NRXN1: variants seen among roughly 807,000 people sequenced by gnomAD.
NRXN1 encodes neurexin 1.
In NRXN1, 39 loss-of-function variants were observed where a neutral mutation model predicts 150.9. The observed-to-expected ratio is 0.26, with a 90% CI of 0.20 to 0.34. The LOEUF (loss-of-function observed/expected upper bound fraction) is 0.34, where lower values mean the gene tolerates loss of function less well. Among genes scored for constraint, NRXN1 ranks in the 10% least tolerant of loss-of-function variants. NRXN1 has a pLI of 1.00. For synonymous variants in NRXN1, 924 were observed against 757.0 expected, an observed-to-expected ratio of 1.22 and a Z score of -3.62; for missense variants, 1,815 against 1,949.9, an observed-to-expected ratio of 0.93 and a Z score of 1.30.
intron 21 of NRXN1, among the ~76,000 whole-genome samples, chr2:50,014,855 G>A (rs1686307484): frequency 1.3e-5 from 2 of 152,060 alleles, no homozygotes; most frequent in Admixed American, 6.6e-5. Context: ...ATAGCCCAGT[G>A]TAGTAAGTCT....
At chr2:50,067,716 T>A (rs1440759608) in intron 19 of NRXN1, among the ~76,000 whole-genome samples, 1 of 152,162 alleles carries the variant, frequency 6.6e-6, no homozygotes, top group African/African-American at 2.4e-5. Flanking sequence ...CACTAAATAC[T>A]GAGAATAAGA....
In NRXN1 at chr2:49,948,408, G is replaced by A. The variant is rs375738428; in HGVS notation, c.4129-4617C>T. 3.9e-5 allele frequency among the ~76,000 whole-genome samples: 6 copies of A among 151,952 alleles called. No individual in the cohort carries two copies. In the South Asian group the frequency reaches 1.0e-3, roughly 26 times the overall value. On this transcript the variant is annotated intron_variant, in intron 21 of 22. Transcript: ENST00000401669. ...AGTAGAAAAAAATAACTACAAATGCGACCCTTTTGTAAAACTATATTTTAC... is the reference window on the plus strand; with the variant it reads ...AGTAGAAAAAAATAACTACAAATGCAACCCTTTTGTAAAACTATATTTTAC...
chr2:50,239,630 G>A (rs1574673226), intron 17 of NRXN1, among the ~76,000 whole-genome samples: 1 of 113,798 alleles, frequency 8.8e-6, no homozygotes, highest in South Asian at 3.0e-4. Flanking sequence ...TGGCAGAGTT[G>A]GTATAAAACC....
intron 17 of NRXN1, among the ~76,000 whole-genome samples, chr2:50,320,312 A>ATATATATATGTG (rs2075937518): frequency 4.0e-5 from 5 of 125,354 alleles, no homozygotes; most frequent in African/African-American, 1.6e-4. Context: ...ATATATATAT[A>ATATATATATGTG]TATATATATA....
intron 18 of NRXN1, among the ~76,000 whole-genome samples, chr2:50,203,209 C>G (rs962563697): frequency 6.6e-6 from 1 of 152,060 alleles, no homozygotes; most frequent in Non-Finnish European, 1.5e-5. Context: ...ATCTTTTTAG[C>G]CTGAAGTCAA....
At chr2:50,124,147 A>C (rs1008790221) in intron 18 of NRXN1, among the ~76,000 whole-genome samples, 1 of 152,164 alleles carries the variant, frequency 6.6e-6, no homozygotes, top group African/African-American at 2.4e-5. Context: ...ATAGCTCTAG[A>C]AGTCAAGTGA....
At chr2:50,770,762 G>C (rs1443371005) in intron 5 of NRXN1, among the ~76,000 whole-genome samples, 1 of 151,920 alleles carries the variant, frequency 6.6e-6, no homozygotes, top group East Asian at 1.9e-4. Context: ...CAACATTCCA[G>C]GGCCACAGGG....
rs111905934 is a variant in NRXN1, at chr2:50,066,035, A to C, written c.3719-10991T>G. Among the ~76,000 whole-genome samples the C allele has an allele frequency of 3.2e-3, 489 of 152,274 alleles. 2 individuals are homozygous for C. Among genetic ancestry groups the C allele is most frequent in the African/African-American group, 8.9e-3 (369 of 41,566 alleles). ...CAGTGCTTTCATGCCACCTGTCAAC[A>C]ACTCAAGGCGTATATTTACAACTGC... On this transcript the variant is annotated intron_variant, in intron 19 of 22. Transcript: ENST00000401669.
intron 18 of NRXN1, among the ~76,000 whole-genome samples, chr2:50,201,082 A>G (rs1178407384): frequency 6.6e-6 from 1 of 152,120 alleles, no homozygotes; most frequent in Non-Finnish European, 1.5e-5. Flanking sequence ...ATTGTTTTCA[A>G]GATGTATTGT....
chr2:50,585,989 T>C (rs556222279), intron 8 of NRXN1, among the ~76,000 whole-genome samples: 3 of 152,306 alleles, frequency 2.0e-5, no homozygotes, highest in Non-Finnish European at 2.9e-5. Context: ...CAGATTTTCT[T>C]TCTTCTGGAG....
intron 17 of NRXN1, among the ~76,000 whole-genome samples, chr2:50,242,780 C>A (rs2152887947): frequency 6.6e-6 from 1 of 151,714 alleles, no homozygotes; most frequent in Non-Finnish European, 1.5e-5. Flanking sequence ...GAGGGGCAGA[C>A]AACAGAATTG....
intron 21 of NRXN1, among the ~76,000 whole-genome samples, chr2:50,007,129 G>A (rs1331615248): frequency 6.6e-6 from 1 of 152,046 alleles, no homozygotes; most frequent in African/African-American, 2.4e-5. Flanking sequence ...AATCACTTGA[G>A]GCCAGGAGTT....
At chr2:50,238,555 G>A (rs1041862601) in intron 17 of NRXN1, among the ~76,000 whole-genome samples, 2 of 152,054 alleles carry the variant, frequency 1.3e-5, no homozygotes, top group Non-Finnish European at 2.9e-5. Flanking sequence ...ACATTTATGT[G>A]TAAAAGTTGT....
chr2:50,449,774 T>C (rs976249999), intron 17 of NRXN1, among the ~76,000 whole-genome samples: 5 of 152,194 alleles, frequency 3.3e-5, no homozygotes, highest in African/African-American at 1.2e-4. Flanking sequence ...TATGAGCTCC[T>C]TGAAAGCAAA....
chr2:50,315,711 T>C (rs2075547727), intron 17 of NRXN1, among the ~76,000 whole-genome samples: 1 of 152,126 alleles, frequency 6.6e-6, no homozygotes, highest in Non-Finnish European at 1.5e-5. Flanking sequence ...ATTCCTAGGC[T>C]AGCCTATATG....
At chr2:50,530,806 A>G (rs1388484232) in intron 11 of NRXN1, among the ~76,000 whole-genome samples, 1 of 152,220 alleles carries the variant, frequency 6.6e-6, no homozygotes, top group East Asian at 1.9e-4. Context: ...GATCTAGATA[A>G]CAAAGCAGAA....
At chr2:50,647,790 T>C (rs1440592521) in intron 5 of NRXN1, among the ~76,000 whole-genome samples, 1 of 151,862 alleles carries the variant, frequency 6.6e-6, no homozygotes, top group Non-Finnish European at 1.5e-5. Context: ...TGACACAACA[T>C]TAGGATGGAA....
At chr2:50,697,553 T>G (rs1009832305) in intron 5 of NRXN1, among the ~76,000 whole-genome samples, 1 of 152,220 alleles carries the variant, frequency 6.6e-6, no homozygotes, top group Non-Finnish European at 1.5e-5. Flanking sequence ...TGTTACTTCC[T>G]CTGTGGTTTC....
chr2:50,720,978 A>G (rs1017456808), intron 5 of NRXN1, among the ~76,000 whole-genome samples: 1 of 151,550 alleles, frequency 6.6e-6, no homozygotes, highest in Non-Finnish European at 1.5e-5. Context: ...TACAACAAAG[A>G]CTCTCTCGTC....
Sources: gnomAD v4.1 joint callset for allele counts (sites outside exome capture counted in the v4.1 genomes callset) on GRCh38, gnomAD v4.1.1 for gene constraint, MANE v1.5 for transcripts, NCBI Gene and HGNC (gene_info 2026-07-23, HGNC 2026-07-21) for gene names.